Variants in CLDN10 observed in about 807,000 individuals in gnomAD.
The protein encoded by CLDN10 is claudin 10.
In CLDN10, 15 loss-of-function variants were observed where a neutral mutation model predicts 22.9. That is an observed-to-expected ratio of 0.65 (90% CI 0.44 to 1.01). The LOEUF is 1.01. Ranked by LOEUF, CLDN10 falls within the 50% of genes least tolerant of loss-of-function variation. CLDN10 has a pLI of 0.00. For missense variants in CLDN10, 247 were observed against 287.8 expected (o/e 0.86, Z 1.03); for synonymous variants, 114 against 111.4 (o/e 1.02, Z -0.15).
At chr13:95,513,050 G>A (rs1042918903) in intron 1 of CLDN10, among the ~76,000 whole-genome samples, 1 of 151,938 alleles carries the variant, frequency 6.6e-6, no homozygotes, top group Admixed American at 6.6e-5. Context: ...TAATTTTTAA[G>A]TTTTTTGTGG....
At chr13:95,561,929 A>C (rs536203616) in intron 3 of CLDN10, among the ~76,000 whole-genome samples, 178 of 135,848 alleles carry the variant, frequency 1.3e-3, no homozygotes, top group African/African-American at 4.4e-3. Context: ...CAACCAGATA[A>C]TTTTTTTTTT....
chr13:95,545,226 T>C (rs2043496163), intron 1 of CLDN10, among the ~76,000 whole-genome samples: 1 of 152,180 alleles, frequency 6.6e-6, no homozygotes, highest in South Asian at 2.1e-4. Context: ...CAGCATATAC[T>C]TTATGACCTA....
At position 95,494,771 on chromosome 13, in the gene CLDN10, G is replaced by T. The variant is rs140621762; in HGVS notation, c.214+60724G>T. 3.9e-5 allele frequency among the ~76,000 whole-genome samples: 6 copies of T among 152,002 alleles called. No homozygotes were observed. In the South Asian group the frequency reaches 1.2e-3, roughly 32 times the overall value. On this transcript the variant is annotated intron_variant, in intron 1 of 4. Coordinates refer to the CLDN10 transcript ENST00000376873. ...CAGAGAATCTTAGGATGGTAGATACGGACAGGGCCTTTAAGACCACCTAGT... is the reference window on the plus strand; with the variant it reads ...CAGAGAATCTTAGGATGGTAGATACTGACAGGGCCTTTAAGACCACCTAGT...
intron 1 of CLDN10, among the ~76,000 whole-genome samples, chr13:95,531,962 T>C (rs1182434077): frequency 6.6e-6 from 1 of 152,102 alleles, no homozygotes; most frequent in Non-Finnish European, 1.5e-5. Flanking sequence ...CAGAGAGCCA[T>C]ATGGAAAAAT....
chr13:95,507,853 C>T (rs1040346741), intron 1 of CLDN10, among the ~76,000 whole-genome samples: 2 of 152,084 alleles, frequency 1.3e-5, no homozygotes, highest in Admixed American at 6.6e-5. Context: ...GAACTCCCAA[C>T]CTCAAGTGAT....
intron 1 of CLDN10, among the ~76,000 whole-genome samples, chr13:95,477,273 G>A (rs901042499): frequency 2.4e-4 from 37 of 152,286 alleles, no homozygotes; most frequent in African/African-American, 7.7e-4. Flanking sequence ...GCAAGGCAGG[G>A]TTAGCTAGCT....
intron 1 of CLDN10, among the ~76,000 whole-genome samples, chr13:95,510,468 T>A (rs1440070292): frequency 6.6e-6 from 1 of 152,228 alleles, no homozygotes; most frequent in African/African-American, 2.4e-5. Context: ...TGGCATCAAT[T>A]AGAGACTGTT....
chr13:95,540,434 C>T (rs1566326028), intron 1 of CLDN10, among the ~76,000 whole-genome samples: 1 of 152,006 alleles, frequency 6.6e-6, no homozygotes, highest in Non-Finnish European at 1.5e-5. Flanking sequence ...GTGGAGGTTG[C>T]AGTGAGCCAA....
chr13:95,463,284 TAATA>T (rs1280611756), intron 1 of CLDN10, among the ~76,000 whole-genome samples: 12 of 32,586 alleles, frequency 3.7e-4, no homozygotes, highest in East Asian at 1.3e-3. Context: ...TGCAAATGCT[TAATA>T]TATATATATA....
In CLDN10 at chr13:95,570,858, G is replaced by GTGTATATATA. The variant is rs60359070; in HGVS notation, c.465-6372_465-6371insGTATATATAT. On this transcript the variant is annotated intron_variant, in intron 3 of 4. Coordinates refer to ENST00000299339, the MANE Select transcript of CLDN10 (RefSeq NM_006984.5). ...CACACACACACACACATATACGTGT[G>GTGTATATATA]TATATATATATATATATATATATAT... 2.1e-3 allele frequency among the ~76,000 whole-genome samples: 257 copies of GTGTATATATA among 119,702 alleles called. 3 individuals are homozygous for GTGTATATATA. Among genetic ancestry groups the GTGTATATATA allele is most frequent in the Middle Eastern group, 5.0e-3 (1 of 202 alleles). The allele number at this position is 119,702 out of a possible 152,430, so 78.5% of individuals were successfully genotyped here. A position where few individuals can be genotyped will look rare whatever the true frequency, so the allele number is the denominator to read the frequency against.
intron 1 of CLDN10, among the ~76,000 whole-genome samples, chr13:95,534,776 A>T (rs1236908652): frequency 6.6e-6 from 1 of 152,214 alleles, no homozygotes; most frequent in Admixed American, 6.5e-5. Flanking sequence ...AATTTTCCTA[A>T]TATCTCCAAA....
chr13:95,487,298 C>G (rs115615705), intron 1 of CLDN10, among the ~76,000 whole-genome samples: 5 of 152,200 alleles, frequency 3.3e-5, no homozygotes, highest in African/African-American at 9.7e-5. Flanking sequence ...ATGAAGAGAA[C>G]TTTACACTGA....
chr13:95,544,055 T>A (rs1432876218), intron 1 of CLDN10, among the ~76,000 whole-genome samples: 1 of 152,196 alleles, frequency 6.6e-6, no homozygotes, highest in East Asian at 1.9e-4. Flanking sequence ...ATATCCTTTT[T>A]TGACTAATAA....
chr13:95,458,716 G>A (rs2042506779), intron 1 of CLDN10, among the ~76,000 whole-genome samples: 1 of 151,950 alleles, frequency 6.6e-6, no homozygotes. Context: ...TTTTGGGTGG[G>A]GACACAGCCA....
intron 1 of CLDN10, among the ~76,000 whole-genome samples, chr13:95,530,386 T>C (rs570708128): frequency 1.3e-5 from 2 of 152,288 alleles, no homozygotes; most frequent in South Asian, 4.1e-4. Context: ...TTGTAAGCGG[T>C]TGGGCAACCC....
intron 1 of CLDN10, among the ~76,000 whole-genome samples, chr13:95,483,757 T>A (rs778279535): frequency 2.0e-5 from 3 of 152,154 alleles, no homozygotes; most frequent in Non-Finnish European, 4.4e-5. Context: ...GCCCTTATGC[T>A]CCACCATCCA....
At chr13:95,527,566 CAA>C (rs35494686) in intron 1 of CLDN10, among the ~76,000 whole-genome samples, 109 of 144,440 alleles carry the variant, frequency 7.5e-4, no homozygotes, top group Non-Finnish European at 9.0e-4. Context: ...CTCAAGTCTA[CAA>C]AAAAAAAAAA....
intron 1 of CLDN10, among the ~76,000 whole-genome samples, chr13:95,494,022 GT>G (rs1451805878): frequency 6.6e-6 from 1 of 152,034 alleles, no homozygotes; most frequent in Non-Finnish European, 1.5e-5. Context: ...AGATAAAGAC[GT>G]TTTAACATAA....
At chr13:95,544,930 C>G (rs1202672886) in intron 1 of CLDN10, among the ~76,000 whole-genome samples, 1 of 151,806 alleles carries the variant, frequency 6.6e-6, no homozygotes, top group African/African-American at 2.4e-5. Flanking sequence ...GTGTGTGCCA[C>G]CACACCCAGC....
Sources: gnomAD v4.1 joint callset for allele counts (sites outside exome capture counted in the v4.1 genomes callset) on GRCh38, gnomAD v4.1.1 for gene constraint, MANE v1.5 for transcripts, NCBI Gene and HGNC (gene_info 2026-07-23, HGNC 2026-07-21) for gene names.